The following SPIRE1 variants were observed in gnomAD, a reference collection of about 807,000 sequenced individuals.
SPIRE1 encodes spire type actin nucleation factor 1.
SPIRE1 carries 40 observed loss-of-function variants against 94.1 expected under a neutral mutation model. That is an observed-to-expected ratio of 0.43 (90% CI 0.33 to 0.55). SPIRE1 has a LOEUF of 0.55. Among genes scored for constraint, SPIRE1 ranks in the 20% least tolerant of loss-of-function variants. The probability of loss-of-function intolerance (pLI) is 0.06; values close to 1 mark genes in which losing one functional copy is unlikely to be tolerated. For synonymous variants in SPIRE1, 376 were observed against 371.7 expected (o/e 1.01, Z -0.13); for missense variants, 838 against 975.2 (o/e 0.86, Z 1.87).
intron 5 of SPIRE1, among the ~76,000 whole-genome samples, chr18:12,508,353 T>C (rs1467389668): frequency 6.6e-6 from 1 of 152,152 alleles, no homozygotes; most frequent in East Asian, 1.9e-4. Context: ...AACCATACCA[T>C]TTCCCATCCT....
chr18:12,619,641 T>A (rs1364533169), intron 2 of SPIRE1, among the ~76,000 whole-genome samples: 2 of 149,068 alleles, frequency 1.3e-5, no homozygotes, highest in Non-Finnish European at 3.0e-5. Context: ...AGGTCAGGAG[T>A]TTAAGACCAG....
intron 9 of SPIRE1, among the ~76,000 whole-genome samples, chr18:12,483,241 T>C (rs1442184912): frequency 2.0e-5 from 3 of 152,238 alleles, no homozygotes; most frequent in African/African-American, 7.2e-5. Flanking sequence ...ATTATAGGCG[T>C]GAGCCACTGT....
At chr18:12,592,353 TAGAC>T (rs1348896272) in intron 2 of SPIRE1, among the ~76,000 whole-genome samples, 12 of 152,254 alleles carry the variant, frequency 7.9e-5, no homozygotes, top group Non-Finnish European at 1.5e-4. Flanking sequence ...TATCACATTT[TAGAC>T]AAAGTTATAA....
intron 4 of SPIRE1, among the ~76,000 whole-genome samples, chr18:12,529,645 A>G (rs1014611347): frequency 1.3e-5 from 2 of 152,216 alleles, no homozygotes; most frequent in African/African-American, 4.8e-5. Flanking sequence ...ATCCAAGATG[A>G]GTTAACTGTA....
At chr18:12,605,869 G>A (rs1414351185) in intron 2 of SPIRE1, among the ~76,000 whole-genome samples, 2 of 152,052 alleles carry the variant, frequency 1.3e-5, no homozygotes, top group Non-Finnish European at 2.9e-5. Context: ...GGCCCTACAC[G>A]ACCTAGCTCC....
At chr18:12,588,210 T>G (rs1364566459) in intron 2 of SPIRE1, among the ~76,000 whole-genome samples, 1 of 152,228 alleles carries the variant, frequency 6.6e-6, no homozygotes, top group Non-Finnish European at 1.5e-5. Context: ...TATTCATCCA[T>G]TCATCAGTTG....
chr18:12,590,323 C>A (rs952215396), intron 2 of SPIRE1, among the ~76,000 whole-genome samples: 11 of 152,152 alleles, frequency 7.2e-5, no homozygotes, highest in African/African-American at 2.7e-4. Flanking sequence ...CTCCTGACCT[C>A]AGGTGATCCA....
In SPIRE1 at chr18:12,535,223, T is replaced by C. The variant is rs115321269; in HGVS notation, c.729+253A>G. Among the ~76,000 whole-genome samples the C allele has an allele frequency of 4.2e-3, 639 of 152,320 alleles. 4 individuals are homozygous for C. Among genetic ancestry groups the C allele is most frequent in the African/African-American group, 0.015 (607 of 41,564 alleles). On this transcript the variant is annotated intron_variant, in intron 4 of 16. Transcript: ENST00000409402. ...ACTGAACTAGTTCAGTAGCATTTAT[T>C]TCCATTTGCAAGGAATCTGTATGAA...
At chr18:12,623,753 C>A (rs886694116) in intron 2 of SPIRE1, among the ~76,000 whole-genome samples, 10 of 152,080 alleles carry the variant, frequency 6.6e-5, no homozygotes, top group African/African-American at 2.2e-4. Context: ...CTCAGCCTCC[C>A]AAGTAGCTGG....
intron 4 of SPIRE1, 117 bp from the exon 5 acceptor site, chr18:12,512,648 A>G (rs893494469): frequency 1.2e-5 from 8 of 659,738 alleles, no homozygotes; most frequent in Admixed American, 2.7e-5. Flanking sequence ...GAGATGGTAC[A>G]GAATCTATTG....
intron 4 of SPIRE1, among the ~76,000 whole-genome samples, chr18:12,525,134 G>A (rs548732136): frequency 4.6e-5 from 7 of 151,438 alleles, no homozygotes; most frequent in East Asian, 1.9e-4. Flanking sequence ...AAAATTAGCC[G>A]GGCGTGGTGG....
intron 2 of SPIRE1, among the ~76,000 whole-genome samples, chr18:12,592,075 G>A (rs184612807): frequency 2.6e-5 from 4 of 151,682 alleles, no homozygotes; most frequent in Admixed American, 2.6e-4. Flanking sequence ...GCACCAGTAT[G>A]TTGGTAGTCA....
intron 6 of SPIRE1, among the ~76,000 whole-genome samples, chr18:12,500,242 A>G (rs191279295): frequency 3.3e-5 from 5 of 152,342 alleles, no homozygotes; most frequent in South Asian, 4.1e-4. Flanking sequence ...CAATATACCT[A>G]TGTAACAAAC....
rs773590415 is a variant in SPIRE1 at position 12,463,305 on chromosome 18, C to T, written c.1638+46G>A. 19 of 1,535,902 alleles carry T rather than the reference C, an allele frequency of 1.2e-5. No individual in the cohort carries two copies. The East Asian group carries it at 4.1e-4, about 33-fold the overall frequency. On this transcript the variant is annotated intron_variant, in intron 12 of 16. Transcript: ENST00000409402. Reference sequence around the variant, plus strand: ...CATAAGAAAGCTAATGATTCTATGTCTTCTAGCTGGTCCCTAAGTTACTAC... The same window carrying T: ...CATAAGAAAGCTAATGATTCTATGTTTTCTAGCTGGTCCCTAAGTTACTAC...
At position 12,575,975 on chromosome 18, in the gene SPIRE1, G is replaced by A. The variant is rs557291656; in HGVS notation, c.373-29071C>T. On this transcript the variant is annotated intron_variant, in intron 2 of 16. Coordinates refer to ENST00000409402, the MANE Select transcript of SPIRE1 (RefSeq NM_001128626.2). ...TCCCAGCACTTCGGGAGGCCCAGGC[G>A]GGCAGATCACCTGAGGTCAGGAGTT... 6.1e-4 allele frequency among the ~76,000 whole-genome samples: 92 copies of A among 152,016 alleles called. 1 individual carries two copies. The highest frequency in any genetic ancestry group is 3.4e-3 in the Middle Eastern group (1 of 294).
At chr18:12,593,672 A>G (rs536991927) in intron 2 of SPIRE1, among the ~76,000 whole-genome samples, 2 of 152,308 alleles carry the variant, frequency 1.3e-5, no homozygotes, top group East Asian at 3.9e-4. Context: ...GCAATTGGCC[A>G]GGCGGGGTGG....
intron 1 of SPIRE1, among the ~76,000 whole-genome samples, chr18:12,651,479 A>AT (rs1244328841): frequency 1.3e-5 from 2 of 152,066 alleles, no homozygotes; most frequent in African/African-American, 4.8e-5. Context: ...GATGTAGACC[A>AT]TTCTGGACAA....
chr18:12,519,736 A>T (rs894158611), intron 4 of SPIRE1, among the ~76,000 whole-genome samples: 2 of 152,248 alleles, frequency 1.3e-5, no homozygotes, highest in Non-Finnish European at 2.9e-5. Flanking sequence ...ACAATAAGAC[A>T]AATGCAAATT....
intron 2 of SPIRE1, among the ~76,000 whole-genome samples, chr18:12,571,800 T>C (rs2035966107): frequency 6.6e-6 from 1 of 152,156 alleles, no homozygotes; most frequent in South Asian, 2.1e-4. Context: ...AAGAGCAAAG[T>C]GTATGTGGCA....
Sources: gnomAD v4.1 joint callset for allele counts (sites outside exome capture counted in the v4.1 genomes callset) on GRCh38, gnomAD v4.1.1 for gene constraint, MANE v1.5 for transcripts, NCBI Gene and HGNC (gene_info 2026-07-23, HGNC 2026-07-21) for gene names.